Variants in BACH2 observed in about 807,000 individuals in gnomAD.
BACH2 encodes the protein transcription regulator protein BACH2.
In BACH2, 5 loss-of-function variants were observed where a neutral mutation model predicts 61.8. That is an observed-to-expected ratio of 0.08 (90% confidence interval 0.04 to 0.17). The LOEUF (loss-of-function observed/expected upper bound fraction) is 0.17, where lower values mean the gene tolerates loss of function less well. Ranked by LOEUF, BACH2 falls within the 10% of genes least tolerant of loss-of-function variation. BACH2 has a pLI of 1.00. For synonymous variants in BACH2, 446 were observed against 440.1 expected, an observed-to-expected ratio of 1.01 and a Z score of -0.17; for missense variants, 824 against 1,091.1, an observed-to-expected ratio of 0.76 and a Z score of 3.45.
chr6:90,008,135 TA>T lies in BACH2; in HGVS notation c.243+466del, dbSNP rs1483695866. 13 of 174,408 alleles carry T rather than the reference TA, an allele frequency of 7.5e-5. No homozygotes were observed. Among genetic ancestry groups the T allele is most frequent in the African/African-American group, 2.9e-4 (12 of 41,826 alleles). The allele number at this position is 174,408 out of a possible 1,614,324, so 10.8% of individuals were successfully genotyped here. On this transcript the variant is annotated intron_variant, in intron 6 of 8. Coordinates refer to ENST00000257749, the MANE Select transcript of BACH2 (RefSeq NM_021813.4). This position sits in a 1 kb window ranked among gnomAD's most constrained non-coding sequence, Gnocchi z 4.1. ...GTGAGAAAAGCAAGTTTACACTTCTTAGAATCTTACTGAATTAATGGTGAAA... is the reference window on the plus strand; with the variant it reads ...GTGAGAAAAGCAAGTTTACACTTCTTGAATCTTACTGAATTAATGGTGAAA...
chr6:90,180,246 G>C (rs939215679), intron 4 of BACH2, among the ~76,000 whole-genome samples: 10 of 151,816 alleles, frequency 6.6e-5, no homozygotes, highest in African/African-American at 2.4e-4. Context: ...AAAAAACTAA[G>C]AGTAAAATTT....
At chr6:89,995,158 C>T (rs898318473) in intron 6 of BACH2, among the ~76,000 whole-genome samples, 4 of 152,144 alleles carry the variant, frequency 2.6e-5, no homozygotes, top group East Asian at 1.9e-4. Flanking sequence ...TTTAACTTAG[C>T]GCAGTCCATT....
At chr6:90,146,891 T>G (rs1404080587) in intron 4 of BACH2, among the ~76,000 whole-genome samples, 1 of 152,202 alleles carries the variant, frequency 6.6e-6, no homozygotes, top group African/African-American at 2.4e-5. Flanking sequence ...TCATTTCAGA[T>G]ATTAGAGCCA....
intron 4 of BACH2, among the ~76,000 whole-genome samples, chr6:90,116,153 T>C (rs1353798683): frequency 6.6e-6 from 1 of 151,894 alleles, no homozygotes; most frequent in Non-Finnish European, 1.5e-5. Context: ...ATCCCATTAA[T>C]AGGATTATAG....
intron 3 of BACH2, among the ~76,000 whole-genome samples, chr6:90,223,046 T>C (rs1008835455): frequency 1.3e-5 from 2 of 152,234 alleles, no homozygotes; most frequent in African/African-American, 4.8e-5. Flanking sequence ...ACTAGCTGCG[T>C]TAAGGATAAG....
chr6:90,235,290 A>C (rs1299292899), intron 3 of BACH2, among the ~76,000 whole-genome samples: 1 of 152,202 alleles, frequency 6.6e-6, no homozygotes, highest in Non-Finnish European at 1.5e-5. Context: ...AGCACCCCTT[A>C]GAACAGAGAT....
intron 6 of BACH2, among the ~76,000 whole-genome samples, chr6:89,984,650 T>C (rs1396970783): frequency 6.6e-6 from 1 of 152,240 alleles, no homozygotes; most frequent in Non-Finnish European, 1.5e-5. Flanking sequence ...ACTGTGGTTT[T>C]CTTTGAGTAG....
At chr6:90,130,672 G>A (rs951008942) in intron 4 of BACH2, among the ~76,000 whole-genome samples, 1 of 152,304 alleles carries the variant, frequency 6.6e-6, no homozygotes, top group African/African-American at 2.4e-5. Context: ...ACCATCAATT[G>A]TGAACAGCTG....
At chr6:89,988,088 C>G (rs2128364655) in intron 6 of BACH2, among the ~76,000 whole-genome samples, 1 of 152,242 alleles carries the variant, frequency 6.6e-6, no homozygotes, top group East Asian at 1.9e-4. Flanking sequence ...TTGCAGGAAA[C>G]ACAGGGAGCA....
chr6:89,972,344 T>G (rs1430391427), intron 6 of BACH2, among the ~76,000 whole-genome samples: 1 of 151,692 alleles, frequency 6.6e-6, no homozygotes, highest in African/African-American at 2.4e-5. Context: ...GGCAGTGGTG[T>G]TGGGAAGGGA....
chr6:90,239,418 A>T (rs1387011195), intron 3 of BACH2, among the ~76,000 whole-genome samples: 1 of 152,188 alleles, frequency 6.6e-6, no homozygotes, highest in Non-Finnish European at 1.5e-5. Context: ...CAACTAGAAA[A>T]CAAGCGAAAG....
Position 89,950,586 on chromosome 6 carries a change from C to T in BACH2, c.1520G>A (p.Cys507Tyr), listed in dbSNP as rs1189074663. Residue 507 changes from cysteine (C) to tyrosine (Y), a missense_variant, in exon 7 of 9, where the codon TGC becomes TAC. By Grantham distance (194) the Cys-to-Tyr change is radical. Transcript: ENST00000257749. This position sits in a 1 kb window ranked among gnomAD's most constrained non-coding sequence, Gnocchi z 5.3. Reference protein sequence around the residue: ...NTSCPVPIKVCPRSPPLETRT... With the variant: ...NTSCPVPIKVYPRSPPLETRT... The stretch of plus-strand genomic sequence containing the variant: ...GGTCTCCAAGGGGGGTGAGCGAGGG[C>T]AGACTTTGATTGGTACCGGGCAGCT... The T allele has an allele frequency of 1.2e-6, 2 of 1,611,752 alleles. No individual in the cohort carries two copies. The highest frequency in any genetic ancestry group is 1.7e-5 in the Admixed American group (1 of 59,918).
intron 1 of BACH2, among the ~76,000 whole-genome samples, chr6:90,284,613 T>C (rs1582566456): frequency 6.6e-6 from 1 of 152,134 alleles, no homozygotes; most frequent in Non-Finnish European, 1.5e-5. Flanking sequence ...TTCTAAACGA[T>C]GAAATGATCT....
chr6:89,989,693 G>A (rs1391940131), intron 6 of BACH2, among the ~76,000 whole-genome samples: 1 of 152,194 alleles, frequency 6.6e-6, no homozygotes, highest in Non-Finnish European at 1.5e-5. Context: ...TACATTCTCT[G>A]AAGTCCATAG....
At chr6:90,187,766 A>G (rs930866236) in intron 4 of BACH2, among the ~76,000 whole-genome samples, 5 of 152,202 alleles carry the variant, frequency 3.3e-5, no homozygotes, top group African/African-American at 1.2e-4. Flanking sequence ...AGCACCTACT[A>G]TGGGTCAGGA....
At chr6:90,145,148 G>A (rs1012322927) in intron 4 of BACH2, among the ~76,000 whole-genome samples, 3 of 152,036 alleles carry the variant, frequency 2.0e-5, no homozygotes, top group Non-Finnish European at 2.9e-5. Flanking sequence ...AGAGACAAGC[G>A]CATACTGCCT....
chr6:90,205,635 G>A (rs1435144520), intron 4 of BACH2, among the ~76,000 whole-genome samples: 6 of 152,142 alleles, frequency 3.9e-5, no homozygotes, highest in African/African-American at 1.4e-4. Flanking sequence ...GCTGTTCTCT[G>A]AGCACACCAG....
At chr6:90,029,049 C>T (rs980840204) in intron 5 of BACH2, among the ~76,000 whole-genome samples, 1 of 152,226 alleles carries the variant, frequency 6.6e-6, no homozygotes, top group African/African-American at 2.4e-5. Flanking sequence ...TCCAGTTTGA[C>T]AATGGCTTGC....
At chr6:90,141,011 CAAGA>C (rs1784440509) in intron 4 of BACH2, among the ~76,000 whole-genome samples, 1 of 152,070 alleles carries the variant, frequency 6.6e-6, no homozygotes, top group African/African-American at 2.4e-5. Context: ...CAATATCTAA[CAAGA>C]AAGGACTGGC....
Sources: gnomAD v4.1 joint callset for allele counts (sites outside exome capture counted in the v4.1 genomes callset) on GRCh38, gnomAD v4.1.1 for gene constraint, Gnocchi (gnomAD v3.1) non-coding constraint, MANE v1.5 for transcripts, NCBI Gene and HGNC (gene_info 2026-07-23, HGNC 2026-07-21) for gene names.